SAMTOR: variants seen among roughly 807,000 people sequenced by gnomAD.
SAMTOR encodes UPF0532 protein C7orf60.
At chr7:112,863,226 A>G in the SAMTOR span, among the ~76,000 whole-genome samples, 1 of 152,228 alleles carries the variant, frequency 6.6e-6, no homozygotes, top group Non-Finnish European at 1.5e-5. Context: ...ATAACTGGTT[A>G]GTTATAGTCA....
the SAMTOR span, among the ~76,000 whole-genome samples, chr7:112,882,183 C>A: frequency 6.6e-6 from 1 of 152,194 alleles, no homozygotes. Flanking sequence ...AGTGGCCGGA[C>A]CCCATGTTCA....
chr7:112,922,652 C>G, the SAMTOR span, among the ~76,000 whole-genome samples: 1 of 150,458 alleles, frequency 6.6e-6, no homozygotes, highest in East Asian at 2.0e-4. Flanking sequence ...GCCATGACCC[C>G]ATCTGGGAGG....
the SAMTOR span, among the ~76,000 whole-genome samples, chr7:112,901,735 TA>T: frequency 0.016 from 2,384 of 152,132 alleles, 54 homozygotes; most frequent in African/African-American, 0.055. Flanking sequence ...CAAATAAATT[TA>T]AAAACCAGGT....
At chr7:112,875,808 C>G in the SAMTOR span, among the ~76,000 whole-genome samples, 4 of 152,194 alleles carry the variant, frequency 2.6e-5, no homozygotes, top group Non-Finnish European at 5.9e-5. Flanking sequence ...TGAACTGTTA[C>G]GTTCACTGTG....
At chr7:112,877,630 G>C in the SAMTOR span, among the ~76,000 whole-genome samples, 1 of 152,084 alleles carries the variant, frequency 6.6e-6, no homozygotes, top group Non-Finnish European at 1.5e-5. Context: ...TGTATGGCTG[G>C]TATAGTTTGG....
chr7:112,899,505 A>G, the SAMTOR span, among the ~76,000 whole-genome samples: 1 of 152,260 alleles, frequency 6.6e-6, no homozygotes, highest in South Asian at 2.1e-4. Context: ...ACTGGGGTAG[A>G]ACGTTTATTC....
the SAMTOR span, among the ~76,000 whole-genome samples, chr7:112,909,521 A>G: frequency 6.6e-6 from 1 of 152,218 alleles, no homozygotes; most frequent in Non-Finnish European, 1.5e-5. Context: ...ACAACCATAC[A>G]GAAAATAACT....
chr7:112,840,633 G>A, the SAMTOR span, among the ~76,000 whole-genome samples: 1 of 151,692 alleles, frequency 6.6e-6, no homozygotes, highest in Non-Finnish European at 1.5e-5. Flanking sequence ...TTCCTAGTTT[G>A]ATAATTCCTC....
the SAMTOR span, among the ~76,000 whole-genome samples, chr7:112,909,263 C>T: frequency 6.6e-6 from 1 of 152,180 alleles, no homozygotes; most frequent in South Asian, 2.1e-4. Context: ...ATACTCACTT[C>T]TGGTTTTGTG....
chr7:112,865,733 CATATATATTTCATATATACATATATTCAT>C, the SAMTOR span, among the ~76,000 whole-genome samples: 1 of 136,164 alleles, frequency 7.3e-6, no homozygotes, highest in Admixed American at 7.5e-5. Context: ...TACATATATT[CATATATATTTCATATATACATATATTCAT>C]ATATATATTT....
the SAMTOR span, among the ~76,000 whole-genome samples, chr7:112,842,902 G>A: frequency 1.3e-5 from 2 of 151,924 alleles, no homozygotes; most frequent in African/African-American, 4.8e-5. Context: ...CACATAGCAG[G>A]AGAACCTAAC....
the SAMTOR span, among the ~76,000 whole-genome samples, chr7:112,918,456 A>G: frequency 6.6e-6 from 1 of 152,222 alleles, no homozygotes; most frequent in Non-Finnish European, 1.5e-5. Context: ...AGCACTAAAC[A>G]TGGAAAGGAA....
At chr7:112,918,322 C>T in the SAMTOR span, among the ~76,000 whole-genome samples, 4 of 152,118 alleles carry the variant, frequency 2.6e-5, no homozygotes. Flanking sequence ...AATTTTCAAC[C>T]CAGAATTTCA....
the SAMTOR span, among the ~76,000 whole-genome samples, chr7:112,860,912 CAAAA>C: frequency 4.4e-5 from 2 of 45,910 alleles, no homozygotes; most frequent in Admixed American, 4.4e-4. Context: ...GACTCTGTCT[CAAAA>C]AAAAAAAAAA....
At chr7:112,857,281 C>T in the SAMTOR span, among the ~76,000 whole-genome samples, 197 of 148,778 alleles carry the variant, frequency 1.3e-3, 1 homozygote, top group Non-Finnish European at 2.4e-3. Context: ...TTAGTAGAGA[C>T]GGGGTTTCAC....
chr7:112,860,880 C>A, the SAMTOR span, among the ~76,000 whole-genome samples: 2 of 145,898 alleles, frequency 1.4e-5, no homozygotes, highest in Admixed American at 6.9e-5. Flanking sequence ...CCACTGCACT[C>A]CAGCCTGGGG....
At chr7:112,896,192 T>TGCGC in the SAMTOR span, among the ~76,000 whole-genome samples, 1 of 152,004 alleles carries the variant, frequency 6.6e-6, no homozygotes, top group African/African-American at 2.4e-5. Context: ...TGAGTGTGCG[T>TGCGC]GCACGCGCGC....
At chr7:112,848,710 G>A in the SAMTOR span, among the ~76,000 whole-genome samples, 1 of 152,134 alleles carries the variant, frequency 6.6e-6, no homozygotes, top group East Asian at 1.9e-4. Flanking sequence ...AATCAGGTAT[G>A]GACTTTCCAC....
the SAMTOR span, among the ~76,000 whole-genome samples, chr7:112,878,561 G>A: frequency 0.011 from 1,616 of 152,136 alleles, 29 homozygotes; most frequent in African/African-American, 0.037. Flanking sequence ...TTTAATATTT[G>A]ACACTATATC....
Sources: allele counts gnomAD v4.1 joint callset (sites outside exome capture counted in the v4.1 genomes callset), GRCh38; gene constraint gnomAD v4.1.1; transcripts MANE v1.5; gene names NCBI Gene and HGNC (gene_info 2026-07-23, HGNC 2026-07-21).